Variants in C2orf92 observed in about 807,000 individuals in gnomAD.
C2orf92 encodes the protein uncharacterized protein C2orf92.
upstream of C2orf92, chr2:97,669,059 A>G (rs1675324538): frequency 2.6e-5 from 4 of 152,226 alleles, no homozygotes; most frequent in Admixed American, 1.3e-4. Flanking sequence ...GGCTGGCTAC[A>G]TAATTTGTGG....
rs149464091 is a variant in C2orf92, at chr2:97,692,323, G to C, written c.403+1996G>C. ...TCTACCTACTTAATGTTTGGGTATA[G>C]GAAGGCTTGATTTTTATATATTAAT... is the stretch of plus-strand genomic sequence containing the variant. On this transcript the variant is annotated intron_variant, in intron 5 of 7. Transcript: ENST00000627399. Among the ~76,000 whole-genome samples, 20 of 152,002 alleles carry C rather than the reference G, an allele frequency of 1.3e-4. No individual in the cohort carries two copies. The East Asian group carries it at 3.7e-3, about 28-fold the overall frequency.
chr2:97,694,795 T>C (rs1676258328), intron 5 of C2orf92, among the ~76,000 whole-genome samples: 1 of 152,150 alleles, frequency 6.6e-6, no homozygotes, highest in Admixed American at 6.5e-5. Flanking sequence ...TTTAATTTTC[T>C]GAGGAAACGC....
chr2:97,675,978 A>G, intron 3 of C2orf92, 50 bp downstream of exon 3: 1 of 398,580 alleles, frequency 2.5e-6, no homozygotes, highest in Non-Finnish European at 4.4e-6. Context: ...GAAGAGTTGC[A>G]TGCTTGTCCC....
chr2:97,685,567 T>C (rs1008625472), intron 3 of C2orf92, among the ~76,000 whole-genome samples: 1 of 149,472 alleles, frequency 6.7e-6, no homozygotes, highest in Admixed American at 6.7e-5. Flanking sequence ...GCTGGCCTTT[T>C]TTTTTCTTTT....
intron 3 of C2orf92, among the ~76,000 whole-genome samples, chr2:97,682,482 C>T (rs1306550227): frequency 6.6e-6 from 1 of 152,104 alleles, no homozygotes; most frequent in Admixed American, 6.6e-5. Context: ...GAGTATGGCC[C>T]TGATACCAAA....
At chr2:97,693,189 A>G (rs1398207556) in intron 5 of C2orf92, among the ~76,000 whole-genome samples, 2 of 152,178 alleles carry the variant, frequency 1.3e-5, no homozygotes, top group African/African-American at 2.4e-5. Flanking sequence ...ATAATATTCT[A>G]TTGTATATAT....
chr2:97,675,827 TG>T lies in C2orf92; in HGVS notation c.149-16del. On this transcript the variant is annotated splice_polypyrimidine_tract_variant and intron_variant, in intron 2 of 7. Transcript: ENST00000627399. ...CCAATGAAAGACTTAATCACAGCCATGGTTTATTTTCCCTTAGGCTATTCCC... is the reference window on the plus strand; with the variant it reads ...CCAATGAAAGACTTAATCACAGCCATGTTTATTTTCCCTTAGGCTATTCCC... 2.5e-6 allele frequency: 1 copy of T among 399,102 alleles called. No individual in the cohort carries two copies. The highest frequency in any genetic ancestry group is 4.4e-6 in the Non-Finnish European group (1 of 226,074). The allele number at this position is 399,102 out of a possible 1,614,324, so 24.7% of individuals were successfully genotyped here. A position where few individuals can be genotyped will look rare whatever the true frequency, so the allele number is the denominator to read the frequency against.
rs1174777453 is a variant in C2orf92 at position 97,669,831 on chromosome 2, C to G, written c.43C>G (p.Gln15Glu). 2.5e-6 allele frequency: 1 copy of G among 398,550 alleles called. No homozygotes were observed. Among genetic ancestry groups the G allele is most frequent in the African/African-American group, 2.1e-5 (1 of 48,628 alleles). The allele number at this position is 398,550 out of a possible 1,614,324, so 24.7% of individuals were successfully genotyped here. Residue 15 changes from glutamine (Q) to glutamate (E), a missense_variant, in exon 1 of 8, where the codon CAA (glutamine) becomes GAA (glutamate). By Grantham distance (29) the Gln-to-Glu change is conservative. Transcript: ENST00000627399. ...CCTCTTCTTTGTTCTCTGCTGGATC[C>G]AAGGTATATTGCTGTGGCAGCTGGA... Reference protein sequence around the residue: ...MALFFVLCWIQDEIVLQVFSK... With the variant: ...MALFFVLCWIEDEIVLQVFSK...
At chr2:97,691,336 C>T (rs1469122642) in intron 5 of C2orf92, among the ~76,000 whole-genome samples, 1 of 152,178 alleles carries the variant, frequency 6.6e-6, no homozygotes, top group Non-Finnish European at 1.5e-5. Flanking sequence ...CTGGGCAGGT[C>T]CTTCCCCCGC....
intron 3 of C2orf92, among the ~76,000 whole-genome samples, chr2:97,680,159 C>G (rs569279230): frequency 6.6e-6 from 1 of 152,008 alleles, no homozygotes; most frequent in Non-Finnish European, 1.5e-5. Flanking sequence ...ATTAGCTGAG[C>G]GTGATGGTGC....
At chr2:97,678,663 G>GT (rs1573207506) in intron 3 of C2orf92, among the ~76,000 whole-genome samples, 1 of 152,080 alleles carries the variant, frequency 6.6e-6, no homozygotes, top group East Asian at 1.9e-4. Flanking sequence ...CACATTCAAA[G>GT]TTCTGAAAGA....
At chr2:97,700,395 C>T (rs1198379020) in intron 6 of C2orf92, among the ~76,000 whole-genome samples, 1 of 152,190 alleles carries the variant, frequency 6.6e-6, no homozygotes, top group Non-Finnish European at 1.5e-5. Context: ...GGTTATATCA[C>T]TGCCCTGTGA....
At chr2:97,677,145 G>C (rs1490677496) in intron 3 of C2orf92, among the ~76,000 whole-genome samples, 2 of 152,178 alleles carry the variant, frequency 1.3e-5, no homozygotes, top group Non-Finnish European at 2.9e-5. Flanking sequence ...GCCCTGTGAC[G>C]GGCAGCAGTG....
At chr2:97,683,713 TGGA>T (rs1448807461) in intron 3 of C2orf92, among the ~76,000 whole-genome samples, 3 of 151,896 alleles carry the variant, frequency 2.0e-5, no homozygotes, top group Admixed American at 1.3e-4. Context: ...AGAAAACAAT[TGGA>T]GGAATTTCAC....
intron 1 of C2orf92, chr2:97,672,269 T>C (rs903781512): frequency 6.6e-6 from 1 of 151,138 alleles, no homozygotes; most frequent in African/African-American, 2.4e-5. Context: ...TGCCTGTTCA[T>C]TCCTGCTTGC....
chr2:97,700,281 G>A (rs1676447788), intron 6 of C2orf92, among the ~76,000 whole-genome samples: 1 of 152,172 alleles, frequency 6.6e-6, no homozygotes, highest in Admixed American at 6.5e-5. Flanking sequence ...TTTGCCTCGT[G>A]CTGGTGCAGA....
upstream of C2orf92, chr2:97,667,890 A>G (rs917184681): frequency 8.5e-5 from 13 of 152,158 alleles, no homozygotes; most frequent in Admixed American, 7.9e-4. Flanking sequence ...GAGAGAGTCC[A>G]TTGGTGAGAG....
chr2:97,679,072 C>CA (rs1488812541), intron 3 of C2orf92, among the ~76,000 whole-genome samples: 1 of 151,034 alleles, frequency 6.6e-6, no homozygotes, highest in Admixed American at 6.6e-5. Context: ...AGAAACAGAA[C>CA]ATTTTCAGGT....
At chr2:97,691,810 C>G (rs1315399072) in intron 5 of C2orf92, among the ~76,000 whole-genome samples, 3 of 152,120 alleles carry the variant, frequency 2.0e-5, no homozygotes, top group African/African-American at 7.2e-5. Flanking sequence ...ATCGCTTGAA[C>G]CCAGGAGGCA....
Sources: allele counts gnomAD v4.1 joint callset (sites outside exome capture counted in the v4.1 genomes callset), GRCh38; gene constraint gnomAD v4.1.1; transcripts MANE v1.5; gene names NCBI Gene and HGNC (gene_info 2026-07-23, HGNC 2026-07-21).